ZSWIM5: variants seen among roughly 807,000 people sequenced by gnomAD.
The protein encoded by ZSWIM5 is zinc finger SWIM domain-containing protein 5.
In ZSWIM5, 55 loss-of-function variants were observed where a neutral mutation model predicts 119.6. The ratio of observed to expected loss-of-function variants is 0.46; its 90% CI spans 0.37 to 0.58. The LOEUF is 0.58. Ranked by LOEUF, ZSWIM5 falls within the 20% of genes least tolerant of loss-of-function variation. The pLI is 0.00. For missense variants in ZSWIM5, 1,193 were observed against 1,512.8 expected (o/e 0.79, Z 3.51); for synonymous variants, 537 against 606.9 (o/e 0.88, Z 1.69).
chr1:45,050,138 T>C (rs1645080952), intron 5 of ZSWIM5, among the ~76,000 whole-genome samples: 1 of 152,086 alleles, frequency 6.6e-6, no homozygotes. Context: ...GCAGATCACC[T>C]GGGGTCAGGA....
At chr1:45,138,845 G>C (rs1414501081) in intron 1 of ZSWIM5, among the ~76,000 whole-genome samples, 5 of 151,660 alleles carry the variant, frequency 3.3e-5, no homozygotes, top group Non-Finnish European at 7.4e-5. Context: ...CTTATGAAAA[G>C]CTGAAATAAT....
At chr1:45,192,803 A>G (rs1289940398) in intron 1 of ZSWIM5, among the ~76,000 whole-genome samples, 4 of 152,118 alleles carry the variant, frequency 2.6e-5, no homozygotes, top group Non-Finnish European at 5.9e-5. Flanking sequence ...ATCCTTGCCA[A>G]CATTTGTTAT....
At chr1:45,143,041 G>A (rs1168078120) in intron 1 of ZSWIM5, among the ~76,000 whole-genome samples, 1 of 150,932 alleles carries the variant, frequency 6.6e-6, no homozygotes, top group East Asian at 1.9e-4. Flanking sequence ...TGGGTGTGGT[G>A]CATGCCTATG....
chr1:45,155,374 CA>C (rs1309921188), intron 1 of ZSWIM5, among the ~76,000 whole-genome samples: 3 of 152,028 alleles, frequency 2.0e-5, no homozygotes, highest in African/African-American at 7.2e-5. Flanking sequence ...AATAATAATA[CA>C]AAAATAGATG....
Position 45,049,078 on chromosome 1 carries a change from A to G in ZSWIM5, c.1432+1996T>C, listed in dbSNP as rs571092771. 2.0e-5 allele frequency among the ~76,000 whole-genome samples: 3 copies of G among 152,262 alleles called. No individual in the cohort carries two copies. In the South Asian group the frequency reaches 6.2e-4, roughly 32 times the overall value. On this transcript the variant is annotated intron_variant, in intron 5 of 13. Coordinates refer to ENST00000359600, the MANE Select transcript of ZSWIM5 (RefSeq NM_020883.2). ...CCTGGGAGACAGAAGTTGCAGTGAG[A>G]CGAGATCACGCCACTTCACTCTAGC...
At chr1:45,137,349 C>T (rs538462744) in intron 1 of ZSWIM5, among the ~76,000 whole-genome samples, 11 of 152,226 alleles carry the variant, frequency 7.2e-5, no homozygotes, top group Admixed American at 3.3e-4. Flanking sequence ...GCATCTAATC[C>T]AAACAGATTT....
intron 1 of ZSWIM5, among the ~76,000 whole-genome samples, chr1:45,180,595 G>A (rs1320021203): frequency 7.2e-5 from 11 of 152,144 alleles, no homozygotes; most frequent in African/African-American, 2.2e-4. Context: ...CTCCCAGCAC[G>A]CAGCTGGAGA....
intron 5 of ZSWIM5, among the ~76,000 whole-genome samples, chr1:45,048,060 TC>T (rs1645066369): frequency 2.7e-5 from 1 of 37,378 alleles, no homozygotes; most frequent in Admixed American, 3.1e-4. Flanking sequence ...TTTCTTTCTT[TC>T]TTTCTTTCCT....
At chr1:45,080,629 C>CT (rs963813272) in intron 2 of ZSWIM5, among the ~76,000 whole-genome samples, 1 of 152,104 alleles carries the variant, frequency 6.6e-6, no homozygotes, top group African/African-American at 2.4e-5. Flanking sequence ...TATGTGGGTA[C>CT]TTTTTTTGTG....
intron 11 of ZSWIM5, among the ~76,000 whole-genome samples, chr1:45,021,881 G>T (rs1416996770): frequency 6.6e-6 from 1 of 151,762 alleles, no homozygotes; most frequent in African/African-American, 2.4e-5. Context: ...AATTAGCCAG[G>T]CATGGTGGCG....
At chr1:45,178,871 G>C (rs1300007296) in intron 1 of ZSWIM5, among the ~76,000 whole-genome samples, 1 of 151,774 alleles carries the variant, frequency 6.6e-6, no homozygotes, top group African/African-American at 2.4e-5. Context: ...ATTCATTGTA[G>C]ATTAAAGCTT....
intron 1 of ZSWIM5, among the ~76,000 whole-genome samples, chr1:45,091,744 C>A (rs982677171): frequency 3.3e-5 from 5 of 152,086 alleles, no homozygotes; most frequent in African/African-American, 1.2e-4. Context: ...CTGCTTTATC[C>A]GTTCAATGCT....
intron 1 of ZSWIM5, among the ~76,000 whole-genome samples, chr1:45,114,953 G>T (rs1268407434): frequency 6.6e-6 from 1 of 152,140 alleles, no homozygotes; most frequent in South Asian, 2.1e-4. Context: ...AGAGAGCACG[G>T]GGTTGGGGGT....
At chr1:45,063,438 C>T (rs1016892073) in intron 2 of ZSWIM5, among the ~76,000 whole-genome samples, 4 of 152,076 alleles carry the variant, frequency 2.6e-5, no homozygotes, top group African/African-American at 9.7e-5. Context: ...TCAGTCATGC[C>T]CTATTCTTAC....
rs144268915 is a variant in ZSWIM5, at chr1:45,168,790, A to G, written c.595+36966T>C. ...TTTAAAAATATCTGGTTTCACTTTT[A>G]AAAATTAGAAAATGTGGCAACACTG... is the stretch of plus-strand genomic sequence containing the variant. On this transcript the variant is annotated intron_variant, in intron 1 of 13. Transcript: ENST00000359600. Among the ~76,000 whole-genome samples the G allele has an allele frequency of 1.2e-3, 186 of 152,066 alleles. 4 individuals are homozygous for G. The East Asian group carries it at 0.034, about 27-fold the overall frequency.
intron 2 of ZSWIM5, among the ~76,000 whole-genome samples, chr1:45,078,535 TTCTC>T (rs1449881343): frequency 1.3e-5 from 2 of 152,184 alleles, no homozygotes; most frequent in South Asian, 2.1e-4. Context: ...AATGGGGTCT[TTCTC>T]TGTTCTGAGC....
chr1:45,108,774 C>G (rs1239818964), intron 1 of ZSWIM5, among the ~76,000 whole-genome samples: 4 of 152,046 alleles, frequency 2.6e-5, no homozygotes, highest in Non-Finnish European at 4.4e-5. Context: ...AAACTCATTT[C>G]AAGCAGAGTC....
At chr1:45,062,501 G>GT (rs1221865173) in intron 2 of ZSWIM5, among the ~76,000 whole-genome samples, 2 of 151,962 alleles carry the variant, frequency 1.3e-5, no homozygotes, top group African/African-American at 4.8e-5. Flanking sequence ...TCTAAACATA[G>GT]TTTTTTGTTG....
rs577059715 is a variant in ZSWIM5 at position 45,042,324 on chromosome 1, C to T, written c.1609+895G>A. On this transcript the variant is annotated intron_variant, in intron 6 of 13. Transcript: ENST00000359600. ...TAAAAACACCTGACCATTTGAAAAT[C>T]AAAAAATGCTCAGTGTTGTTTTAAT... 1.7e-3 allele frequency among the ~76,000 whole-genome samples: 263 copies of T among 152,144 alleles called. 1 individual carries two copies. The highest frequency in any genetic ancestry group is 2.8e-3 in the Non-Finnish European group (192 of 67,992).
Sources: allele counts gnomAD v4.1 joint callset (sites outside exome capture counted in the v4.1 genomes callset), GRCh38; gene constraint gnomAD v4.1.1; transcripts MANE v1.5; gene names NCBI Gene and HGNC (gene_info 2026-07-23, HGNC 2026-07-21).